The following KSR2 variants were observed in gnomAD, a reference collection of about 807,000 sequenced individuals.
KSR2 encodes kinase suppressor of ras 2.
KSR2 carries 25 observed loss-of-function variants against 107.8 expected under a neutral mutation model. The observed-to-expected ratio is 0.23, with a 90% CI of 0.17 to 0.32. KSR2 has a LOEUF of 0.32. Ranked by LOEUF, KSR2 falls within the 10% of genes least tolerant of loss-of-function variation. The probability of loss-of-function intolerance (pLI) is 1.00; values close to 1 mark genes in which losing one functional copy is unlikely to be tolerated. For missense variants in KSR2, 887 were observed against 1,268.9 expected (o/e 0.70, Z 4.57); for synonymous variants, 480 against 507.0 (o/e 0.95, Z 0.71).
intron 4 of KSR2, among the ~76,000 whole-genome samples, chr12:117,668,004 T>G (rs1346023286): frequency 6.6e-6 from 1 of 152,030 alleles, no homozygotes; most frequent in Non-Finnish European, 1.5e-5. Context: ...TCTCCAGAGC[T>G]CCAAGCCCCC....
At chr12:117,913,620 T>C (rs1210634125) in intron 1 of KSR2, among the ~76,000 whole-genome samples, 3 of 151,388 alleles carry the variant, frequency 2.0e-5, no homozygotes, top group Non-Finnish European at 4.4e-5. Flanking sequence ...GAGGCAGAGA[T>C]TGAAGAGAAG....
intron 1 of KSR2, among the ~76,000 whole-genome samples, chr12:117,936,618 T>G (rs1895857675): frequency 6.6e-6 from 1 of 151,832 alleles, no homozygotes; most frequent in African/African-American, 2.4e-5. Context: ...CTTGAACTCC[T>G]GAGAGATGGT....
At chr12:117,670,680 G>T (rs531478032) in intron 4 of KSR2, among the ~76,000 whole-genome samples, 1 of 152,026 alleles carries the variant, frequency 6.6e-6, no homozygotes, top group Admixed American at 6.6e-5. Context: ...GAAACCCCAC[G>T]CAGATATTTC....
At chr12:117,555,739 C>T (rs968975294) in intron 8 of KSR2, among the ~76,000 whole-genome samples, 4 of 152,178 alleles carry the variant, frequency 2.6e-5, no homozygotes, top group African/African-American at 9.7e-5. Context: ...CACATTGAAA[C>T]ACTTTGTCCT....
chr12:117,911,441 C>T, intron 1 of KSR2, among the ~76,000 whole-genome samples: 1 of 152,264 alleles, frequency 6.6e-6, no homozygotes, highest in African/African-American at 2.4e-5. Context: ...CAACCTGCAG[C>T]CTACTACAGA....
chr12:117,797,762 C>G (rs1023843069), intron 3 of KSR2, among the ~76,000 whole-genome samples: 56 of 119,924 alleles, frequency 4.7e-4, no homozygotes, highest in Admixed American at 3.9e-3. Context: ...CTCAAACCAT[C>G]CTTCCACCTC....
chr12:117,690,784 C>T (rs1020762005), intron 4 of KSR2, among the ~76,000 whole-genome samples: 1 of 152,150 alleles, frequency 6.6e-6, no homozygotes, highest in Non-Finnish European at 1.5e-5. Flanking sequence ...ACAACAAAAA[C>T]GAGTTGTCAT....
At chr12:117,923,667 ATG>A (rs530388125) in intron 1 of KSR2, among the ~76,000 whole-genome samples, 57 of 150,800 alleles carry the variant, frequency 3.8e-4, no homozygotes, top group Non-Finnish European at 6.4e-4. Flanking sequence ...TAAAATATAT[ATG>A]TGTGTGTGTG....
chr12:117,848,642 A>C (rs1892784051), intron 3 of KSR2, among the ~76,000 whole-genome samples: 1 of 152,226 alleles, frequency 6.6e-6, no homozygotes, highest in African/African-American at 2.4e-5. Context: ...CTTAATTAGA[A>C]AGGCTGAAGC....
At chr12:117,494,253 A>C (rs571453562) in intron 14 of KSR2, among the ~76,000 whole-genome samples, 1 of 152,170 alleles carries the variant, frequency 6.6e-6, no homozygotes, top group African/African-American at 2.4e-5. Context: ...CACAGTCCTC[A>C]CCACTCTGTA....
intron 5 of KSR2, among the ~76,000 whole-genome samples, chr12:117,657,782 G>A (rs77698577): frequency 0.031 from 4,731 of 152,272 alleles, 249 homozygotes; most frequent in African/African-American, 0.11. Context: ...AAAAATGTTC[G>A]TTGCTATCTA....
intron 5 of KSR2, among the ~76,000 whole-genome samples, chr12:117,611,445 G>GAC (rs6144887): frequency 2.8e-5 from 4 of 144,498 alleles, no homozygotes; most frequent in Non-Finnish European, 4.5e-5. Flanking sequence ...TGCACGCACA[G>GAC]ACACACACAC....
At chr12:117,767,198 G>A (rs943122249) in intron 3 of KSR2, among the ~76,000 whole-genome samples, 4 of 150,954 alleles carry the variant, frequency 2.6e-5, no homozygotes, top group African/African-American at 7.3e-5. Flanking sequence ...CGGATCACGA[G>A]GTCAGGAGAT....
intron 1 of KSR2, among the ~76,000 whole-genome samples, chr12:117,870,887 TG>T (rs1893628926): frequency 6.6e-6 from 1 of 152,120 alleles, no homozygotes; most frequent in South Asian, 2.1e-4. Context: ...AGAATCATCT[TG>T]GGGAACAAGA....
At chr12:117,915,653 C>A (rs1158134287) in intron 1 of KSR2, among the ~76,000 whole-genome samples, 2 of 152,168 alleles carry the variant, frequency 1.3e-5, no homozygotes, top group Non-Finnish European at 2.9e-5. Context: ...TCTCCATATC[C>A]TCCATGGATC....
rs34082573 is a variant in KSR2, at chr12:117,916,135, CT to C, written c.180+51940del. 8.3e-3 allele frequency among the ~76,000 whole-genome samples: 880 copies of C among 105,402 alleles called. 5 individuals carry two copies. Among genetic ancestry groups the C allele is most frequent in the African/African-American group, 0.031 (795 of 26,004 alleles). The allele number at this position is 105,402 out of a possible 152,430, so 69.1% of individuals were successfully genotyped here. On this transcript the variant is annotated intron_variant, in intron 1 of 19. Transcript: ENST00000339824. ...AAATTTTGAGTTTTTATTTCTTCTTCTTTTTTTTTTTTTTTTTTTGAGATGG... is the reference window on the plus strand; with the variant it reads ...AAATTTTGAGTTTTTATTTCTTCTTCTTTTTTTTTTTTTTTTTTGAGATGG...
intron 19 of KSR2, among the ~76,000 whole-genome samples, chr12:117,469,233 G>A (rs1871300124): frequency 1.3e-5 from 2 of 152,182 alleles, no homozygotes; most frequent in Non-Finnish European, 2.9e-5. Context: ...ATGCAATAGA[G>A]AATGCTGGAA....
At chr12:117,548,259 T>C (rs562298455) in intron 9 of KSR2, among the ~76,000 whole-genome samples, 5 of 152,244 alleles carry the variant, frequency 3.3e-5, no homozygotes, top group African/African-American at 1.2e-4. Flanking sequence ...AGGTTTGCAT[T>C]GCAATGGTCC....
At position 117,729,813 on chromosome 12, in the gene KSR2, G is replaced by GA. The variant is rs148450565; in HGVS notation, c.986+31197dup. Among the ~76,000 whole-genome samples the GA allele has an allele frequency of 6.4e-3, 971 of 152,244 alleles. 37 individuals are homozygous for GA. In the East Asian group the frequency reaches 0.075, roughly 12 times the overall value. On this transcript the variant is annotated intron_variant, in intron 4 of 19. Transcript: ENST00000339824. Reference sequence around the variant, plus strand: ...GAATAGGACAGGTCCTACTCTCAAAGAACTCATGGTCCAGGATTCCGGAAA... The same window carrying GA: ...GAATAGGACAGGTCCTACTCTCAAAGAAACTCATGGTCCAGGATTCCGGAAA...
Sources: gnomAD v4.1 joint callset for allele counts (sites outside exome capture counted in the v4.1 genomes callset) on GRCh38, gnomAD v4.1.1 for gene constraint, MANE v1.5 for transcripts, NCBI Gene and HGNC (gene_info 2026-07-23, HGNC 2026-07-21) for gene names.